The following RABGAP1L variants were observed in gnomAD, a reference collection of about 807,000 sequenced individuals.
RABGAP1L encodes rab GTPase-activating protein 1-like.
A neutral mutation model predicts 137.7 loss-of-function variants in RABGAP1L; 63 were observed. The observed-to-expected ratio is 0.46, with a 90% CI of 0.37 to 0.56. The LOEUF is 0.56. Ranked by LOEUF, RABGAP1L falls within the 20% of genes least tolerant of loss-of-function variation. The pLI, the probability that RABGAP1L is intolerant of heterozygous loss-of-function variation, is 0.00. For synonymous variants in RABGAP1L, 431 were observed against 433.7 expected, an observed-to-expected ratio of 0.99 and a Z score of 0.08; for missense variants, 1,095 against 1,244.0, an observed-to-expected ratio of 0.88 and a Z score of 1.80.
Position 174,762,756 on chromosome 1 carries a change from T to G in RABGAP1L, c.2211+10402T>G, listed in dbSNP as rs1685326547. ...TCCCTCACTTCCTCCTATGTGTATATGAATAAGAATTCTGCCAGGATAGCA... is the reference window on the plus strand; with the variant it reads ...TCCCTCACTTCCTCCTATGTGTATAGGAATAAGAATTCTGCCAGGATAGCA... On this transcript the variant is annotated intron_variant, in intron 18 of 25. Transcript: ENST00000681986. Among the ~76,000 whole-genome samples, 3 of 151,786 alleles carry G rather than the reference T, an allele frequency of 2.0e-5. 1 individual carries two copies. The South Asian group carries it at 6.2e-4, about 32-fold the overall frequency.
chr1:174,540,774 TG>T (rs1665333021), intron 13 of RABGAP1L, among the ~76,000 whole-genome samples: 1 of 152,208 alleles, frequency 6.6e-6, no homozygotes, highest in South Asian at 2.1e-4. Context: ...CTTGGCAATG[TG>T]GGTTCTTTTT....
chr1:174,389,840 G>A (rs983087001), intron 12 of RABGAP1L, among the ~76,000 whole-genome samples: 1 of 152,154 alleles, frequency 6.6e-6, no homozygotes, highest in Non-Finnish European at 1.5e-5. Flanking sequence ...GCCAATTACT[G>A]TATGATTAAT....
intron 11 of RABGAP1L, among the ~76,000 whole-genome samples, chr1:174,350,289 T>C (rs1457468737): frequency 2.1e-5 from 2 of 94,018 alleles, no homozygotes; most frequent in South Asian, 4.8e-4. Context: ...TCCTCACTTC[T>C]CAGACGGGGC....
At chr1:174,223,577 A>G (rs1164916283) in intron 3 of RABGAP1L, among the ~76,000 whole-genome samples, 1 of 152,090 alleles carries the variant, frequency 6.6e-6, no homozygotes, top group Non-Finnish European at 1.5e-5. Context: ...GTAAAATTTT[A>G]ATAAAATTAT....
intron 18 of RABGAP1L, among the ~76,000 whole-genome samples, chr1:174,764,966 A>C (rs1476734307): frequency 3.9e-5 from 6 of 152,036 alleles, no homozygotes; most frequent in African/African-American, 1.4e-4. Context: ...TCCCTTGGGG[A>C]TGTGAATACC....
chr1:174,855,461 T>C (rs1477947162), intron 19 of RABGAP1L, among the ~76,000 whole-genome samples: 3 of 152,222 alleles, frequency 2.0e-5, no homozygotes, highest in African/African-American at 7.2e-5. Context: ...TGAGGGCCTT[T>C]GCTTAAGAGT....
chr1:174,418,609 TCTATGATGCTTCAGGGGCA>T (rs1333118331), intron 13 of RABGAP1L, among the ~76,000 whole-genome samples: 3 of 152,166 alleles, frequency 2.0e-5, no homozygotes, highest in Non-Finnish European at 4.4e-5. Context: ...CTTTAAGGAT[TCTATGATGCTTCAGGGGCA>T]CTATGATGCT....
intron 19 of RABGAP1L, 115 bp downstream of exon 19, chr1:174,812,075 T>A (rs1689927570): frequency 3.0e-6 from 3 of 1,007,318 alleles, no homozygotes; most frequent in Non-Finnish European, 4.1e-6. Flanking sequence ...AAGATTAGAT[T>A]GTGTATGAAC....
chr1:174,761,248 A>G lies in RABGAP1L; in HGVS notation c.2211+8894A>G, dbSNP rs2148702776. Among the ~76,000 whole-genome samples, 1 of 152,226 alleles carries G rather than the reference A, an allele frequency of 6.6e-6. No homozygotes were observed. Among genetic ancestry groups the G allele is most frequent in the Non-Finnish European group, 1.5e-5 (1 of 68,006 alleles). Reference sequence around the variant, plus strand: ...TTTATTTATTTTTTAATTTAAAAGTAAACTTTAATGTCAAAAATGCAAACT... The same window carrying G: ...TTTATTTATTTTTTAATTTAAAAGTGAACTTTAATGTCAAAAATGCAAACT... On this transcript the variant is annotated intron_variant, in intron 18 of 25. Transcript: ENST00000681986. This position sits in a 1 kb window ranked among gnomAD's most constrained non-coding sequence, Gnocchi z 4.0.
intron 19 of RABGAP1L, among the ~76,000 whole-genome samples, chr1:174,925,373 A>C (rs1235486672): frequency 5.3e-5 from 8 of 151,390 alleles, no homozygotes; most frequent in African/African-American, 4.8e-5. Context: ...AAAAAAAAAA[A>C]AAAAAACAGC....
chr1:174,932,712 G>T (rs1224660033), intron 19 of RABGAP1L, among the ~76,000 whole-genome samples: 1 of 151,956 alleles, frequency 6.6e-6, no homozygotes, highest in Non-Finnish European at 1.5e-5. Context: ...TTTATATATA[G>T]AATCATGATT....
intron 13 of RABGAP1L, among the ~76,000 whole-genome samples, chr1:174,568,529 C>T (rs1667735490): frequency 6.6e-6 from 1 of 152,116 alleles, no homozygotes; most frequent in African/African-American, 2.4e-5. Context: ...TCATTGTTAG[C>T]ATTATCCACA....
intron 20 of RABGAP1L, among the ~76,000 whole-genome samples, chr1:174,961,325 A>C (rs1396788958): frequency 6.6e-6 from 1 of 152,204 alleles, no homozygotes; most frequent in Admixed American, 6.5e-5. Context: ...ATATTTTAGA[A>C]ACTAGTAACT....
intron 14 of RABGAP1L, among the ~76,000 whole-genome samples, chr1:174,666,179 T>C (rs1044256024): frequency 3.3e-5 from 5 of 152,352 alleles, no homozygotes; most frequent in East Asian, 3.9e-4. Context: ...TACTTGGTTG[T>C]TCCCCTGACA....
At chr1:174,261,068 T>G (rs550655272) in intron 7 of RABGAP1L, among the ~76,000 whole-genome samples, 1 of 152,162 alleles carries the variant, frequency 6.6e-6, no homozygotes, top group South Asian at 2.1e-4. Flanking sequence ...AAGCGATTTT[T>G]GGCACCAGGT....
At chr1:174,404,265 G>T (rs1329370881) in intron 13 of RABGAP1L, among the ~76,000 whole-genome samples, 2 of 152,172 alleles carry the variant, frequency 1.3e-5, no homozygotes, top group Non-Finnish European at 2.9e-5. Flanking sequence ...AATATCTGAG[G>T]TGGGACTTGA....
intron 14 of RABGAP1L, among the ~76,000 whole-genome samples, chr1:174,657,787 T>C (rs1054348555): frequency 6.6e-6 from 1 of 152,218 alleles, no homozygotes; most frequent in Non-Finnish European, 1.5e-5. Flanking sequence ...ATGGTAGTTC[T>C]ATTTGTAGTT....
chr1:174,532,045 C>T (rs1254170956), intron 13 of RABGAP1L, among the ~76,000 whole-genome samples: 1 of 150,926 alleles, frequency 6.6e-6, no homozygotes, highest in Non-Finnish European at 1.5e-5. Context: ...GAAAGGAAGA[C>T]ATAAGATATA....
At chr1:174,442,636 A>G (rs1298100637) in intron 13 of RABGAP1L, among the ~76,000 whole-genome samples, 1 of 152,158 alleles carries the variant, frequency 6.6e-6, no homozygotes, top group Non-Finnish European at 1.5e-5. Context: ...TATGGGGTAC[A>G]TGTGATATTT....
Sources: allele counts gnomAD v4.1 joint callset (sites outside exome capture counted in the v4.1 genomes callset), GRCh38; gene constraint gnomAD v4.1.1; non-coding constraint Gnocchi (gnomAD v3.1); transcripts MANE v1.5; gene names NCBI Gene and HGNC (gene_info 2026-07-23, HGNC 2026-07-21).